The following DLG2 variants were observed in gnomAD, a reference collection of about 807,000 sequenced individuals.
The protein encoded by DLG2 is disks large homolog 2.
DLG2 carries 45 observed loss-of-function variants against 132.5 expected under a neutral mutation model. The ratio of observed to expected loss-of-function variants is 0.34; its 90% CI spans 0.27 to 0.44. The LOEUF is 0.44. DLG2 is among the 20% of genes least tolerant of loss of function. DLG2 has a pLI of 1.00. For missense variants in DLG2, 1,045 were observed against 1,196.9 expected (o/e 0.87, Z 1.87); for synonymous variants, 424 against 419.6 (o/e 1.01, Z -0.13).
In DLG2 at chr11:84,417,760, G is replaced by GT. The variant is rs936699889; in HGVS notation, c.519+116809dup. Among the ~76,000 whole-genome samples the GT allele has an allele frequency of 1.2e-4, 18 of 151,968 alleles. No individual in the cohort carries two copies. The South Asian group carries it at 2.9e-3, about 25-fold the overall frequency. ...ACAATGACAGAATTCATGAAGACGT[G>GT]TTTTTTTTCCCCACCATTTTATGTA... On this transcript the variant is annotated intron_variant, in intron 7 of 27. Coordinates refer to ENST00000376104, the MANE Select transcript of DLG2 (RefSeq NM_001142699.3).
intron 6 of DLG2, among the ~76,000 whole-genome samples, chr11:84,600,163 A>AGAAGGAAAGAAG (rs1555082791): frequency 7.9e-4 from 69 of 87,122 alleles, no homozygotes; most frequent in African/African-American, 2.6e-3. Context: ...AAAGAAGGAA[A>AGAAGGAAAGAAG]GAAAGAAAGA....
intron 21 of DLG2, among the ~76,000 whole-genome samples, chr11:83,507,399 A>G (rs1392240684): frequency 5.8e-5 from 3 of 51,714 alleles, no homozygotes; most frequent in Admixed American, 4.6e-4. Flanking sequence ...AACAAATAGG[A>G]TATATATATA....
chr11:85,478,376 CT>C (rs1418246746), intron 3 of DLG2, among the ~76,000 whole-genome samples: 8 of 152,044 alleles, frequency 5.3e-5, no homozygotes, highest in Admixed American at 1.3e-4. Flanking sequence ...GGCCTCTTCC[CT>C]TTCTCTGCTC....
chr11:84,191,660 G>A (rs1223957806), intron 8 of DLG2, among the ~76,000 whole-genome samples: 1 of 152,156 alleles, frequency 6.6e-6, no homozygotes, highest in Non-Finnish European at 1.5e-5. Context: ...TTAAAGAAAA[G>A]TCTTAGCTGG....
chr11:84,735,640 G>T (rs1422609928), intron 6 of DLG2, among the ~76,000 whole-genome samples: 1 of 152,036 alleles, frequency 6.6e-6, no homozygotes, highest in Non-Finnish European at 1.5e-5. Flanking sequence ...AACTCCTTCA[G>T]TTCTGCTCTG....
At chr11:84,696,771 A>G (rs2058661221) in intron 6 of DLG2, among the ~76,000 whole-genome samples, 1 of 151,520 alleles carries the variant, frequency 6.6e-6, no homozygotes, top group Non-Finnish European at 1.5e-5. Context: ...ATATGGAGGA[A>G]GAAGTGAGAA....
chr11:84,081,837 A>T (rs1468784085), intron 10 of DLG2, among the ~76,000 whole-genome samples: 1 of 152,182 alleles, frequency 6.6e-6, no homozygotes, highest in African/African-American at 2.4e-5. Context: ...TATACCCAGT[A>T]ATGGGATCGC....
chr11:84,269,687 G>C (rs2097694580), intron 7 of DLG2, among the ~76,000 whole-genome samples: 1 of 152,176 alleles, frequency 6.6e-6, no homozygotes, highest in African/African-American at 2.4e-5. Context: ...TTTCTGAGAT[G>C]AATGAACGAA....
intron 7 of DLG2, among the ~76,000 whole-genome samples, chr11:84,522,835 C>T (rs189504212): frequency 4.3e-4 from 65 of 152,300 alleles, no homozygotes; most frequent in Middle Eastern, 3.4e-3. Context: ...ATGATCCTTG[C>T]ACATCCTGAT....
At chr11:84,201,662 T>C (rs756528728) in intron 8 of DLG2, among the ~76,000 whole-genome samples, 1 of 151,864 alleles carries the variant, frequency 6.6e-6, no homozygotes, top group African/African-American at 2.4e-5. Flanking sequence ...GGATACAATT[T>C]CTTCCTGGTT....
intron 11 of DLG2, among the ~76,000 whole-genome samples, chr11:84,030,101 ATGAG>A (rs1402952082): frequency 6.6e-6 from 1 of 152,100 alleles, no homozygotes; most frequent in African/African-American, 2.4e-5. Context: ...CCCCAAATAA[ATGAG>A]TGTTTTGAGG....
chr11:83,651,931 C>A lies in DLG2; in HGVS notation c.1826-18606G>T, dbSNP rs1478634838. ...GTGAAATCTTATGTGATATCGGCAC[C>A]TTTGCAGAAAGTAAGAAACAAATCA... is the stretch of plus-strand genomic sequence containing the variant. On this transcript the variant is annotated intron_variant, in intron 18 of 27. Transcript: ENST00000376104. 8.5e-6 allele frequency: 4 copies of A among 469,854 alleles called. No individual in the cohort carries two copies. In the Admixed American group the frequency reaches 9.4e-5, roughly 11 times the overall value. The allele number at this position is 469,854 out of a possible 1,614,324, so 29.1% of individuals were successfully genotyped here.
chr11:84,517,806 T>C lies in DLG2; in HGVS notation c.519+16764A>G, dbSNP rs184607211. ...AATGTGGTATATGTACATAACGAAATGCTATTTAGCCACAAAGAAAAAGGA... is the reference window on the plus strand; with the variant it reads ...AATGTGGTATATGTACATAACGAAACGCTATTTAGCCACAAAGAAAAAGGA... On this transcript the variant is annotated intron_variant, in intron 7 of 27. Transcript: ENST00000376104. 1.6e-3 allele frequency among the ~76,000 whole-genome samples: 240 copies of C among 152,074 alleles called. 1 individual carries two copies. Among genetic ancestry groups the C allele is most frequent in the African/African-American group, 5.4e-3 (225 of 41,514 alleles).
chr11:84,169,730 G>A (rs946961129), intron 8 of DLG2, among the ~76,000 whole-genome samples: 2 of 152,146 alleles, frequency 1.3e-5, no homozygotes, highest in South Asian at 4.2e-4. Context: ...AAAACTAGCT[G>A]GGCATCATGG....
intron 3 of DLG2, among the ~76,000 whole-genome samples, chr11:85,395,383 G>T (rs1006935913): frequency 1.3e-5 from 2 of 152,098 alleles, no homozygotes; most frequent in Non-Finnish European, 2.9e-5. Context: ...GAGGTACCTG[G>T]TTCATCTCAT....
chr11:84,532,421 T>C (rs2099345039), intron 7 of DLG2, among the ~76,000 whole-genome samples: 2 of 152,158 alleles, frequency 1.3e-5, no homozygotes, highest in African/African-American at 2.4e-5. Flanking sequence ...TAAAGTTCTT[T>C]GGGAGGTATG....
chr11:85,169,975 A>T (rs2078725641), intron 4 of DLG2, among the ~76,000 whole-genome samples: 1 of 152,132 alleles, frequency 6.6e-6, no homozygotes, highest in African/African-American at 2.4e-5. Flanking sequence ...CATGTATCTT[A>T]TTTGTCCTAT....
In DLG2 at chr11:83,540,461, C is replaced by A. The variant is rs750115971; in HGVS notation, c.2117+1221G>T. 3.6e-4 allele frequency among the ~76,000 whole-genome samples: 55 copies of A among 152,108 alleles called. 1 individual carries two copies. The highest frequency in any genetic ancestry group is 4.4e-5 in the Non-Finnish European group (3 of 68,022). ...GGCACTGGCATGGGGGAGGGAGAGG[C>A]TCCCTGGAATTTCGGCACCTTCACT... On this transcript the variant is annotated intron_variant, in intron 20 of 27. Transcript: ENST00000376104.
rs79248112 is a variant in DLG2, at chr11:83,497,757, T to C, written c.2194-13529A>G. Reference sequence around the variant, plus strand: ...TGCATTTTTTCATAGTGTCACATTTTCAGCTCTATCTATTGTCCACAATTC... The same window carrying C: ...TGCATTTTTTCATAGTGTCACATTTCCAGCTCTATCTATTGTCCACAATTC... On this transcript the variant is annotated intron_variant, in intron 21 of 27. Coordinates refer to ENST00000376104, the MANE Select transcript of DLG2 (RefSeq NM_001142699.3). 9.2e-3 allele frequency among the ~76,000 whole-genome samples: 1,395 copies of C among 152,282 alleles called. 23 individuals carry two copies. The highest frequency in any genetic ancestry group is 0.032 in the African/African-American group (1,328 of 41,570).
Sources: allele counts gnomAD v4.1 joint callset (sites outside exome capture counted in the v4.1 genomes callset), GRCh38; gene constraint gnomAD v4.1.1; transcripts MANE v1.5; gene names NCBI Gene and HGNC (gene_info 2026-07-23, HGNC 2026-07-21).